The following ESR1 variants were observed in gnomAD, a reference collection of about 807,000 sequenced individuals.
ESR1 encodes estrogen receptor.
Under a neutral mutation model 52.7 loss-of-function variants are expected in ESR1, and 12 were observed. The observed-to-expected ratio is 0.23, with a 90% CI of 0.15 to 0.37. The LOEUF is 0.37. ESR1 is among the 10% of genes least tolerant of loss of function. The pLI is 1.00. For missense variants in ESR1, 584 were observed against 779.7 expected, an observed-to-expected ratio of 0.75 and a Z score of 2.99; for synonymous variants, 305 against 316.8, an observed-to-expected ratio of 0.96 and a Z score of 0.39.
intron 1 of ESR1, among the ~76,000 whole-genome samples, chr6:151,665,800 T>G (rs1211793593): frequency 6.6e-6 from 1 of 152,232 alleles, no homozygotes; most frequent in Non-Finnish European, 1.5e-5. Flanking sequence ...ATATTTTCTC[T>G]TAGGAATATA....
intron 1 of ESR1, among the ~76,000 whole-genome samples, chr6:151,830,802 G>A (rs1782283631): frequency 6.6e-6 from 1 of 152,070 alleles, no homozygotes; most frequent in Non-Finnish European, 1.5e-5. Flanking sequence ...TTTCTTAAGT[G>A]AGTGGGAAAG....
At chr6:151,833,820 C>T (rs1338457327) in intron 1 of ESR1, among the ~76,000 whole-genome samples, 4 of 152,102 alleles carry the variant, frequency 2.6e-5, no homozygotes, top group Admixed American at 6.5e-5. Flanking sequence ...GGAAATGAAG[C>T]GTACATTTCA....
chr6:151,787,795 G>A (rs1311036730), intron 2 of ESR1, among the ~76,000 whole-genome samples: 2 of 152,054 alleles, frequency 1.3e-5, no homozygotes, highest in Non-Finnish European at 2.9e-5. Flanking sequence ...CTGCAAATAG[G>A]GATAGTTTGA....
At chr6:151,925,480 A>G (rs572247544) in intron 3 of ESR1, among the ~76,000 whole-genome samples, 23 of 152,174 alleles carry the variant, frequency 1.5e-4, no homozygotes, top group African/African-American at 5.3e-4. Flanking sequence ...GGTGTCGGGC[A>G]CTTGTAATCC....
At position 151,883,626 on chromosome 6, in the gene ESR1, G is replaced by C. The variant is rs192555961; in HGVS notation, c.760+2855G>C. Among the ~76,000 whole-genome samples the C allele has an allele frequency of 5.9e-5, 9 of 152,174 alleles. No individual in the cohort carries two copies. In the South Asian group the frequency reaches 1.9e-3, roughly 32 times the overall value. The stretch of plus-strand genomic sequence containing the variant: ...ATTTCCAAATATAGTCATACCAGGG[G>C]CTAGGGCTTCAACATACAAGTTTTG... On this transcript the variant is annotated intron_variant, in intron 3 of 7. Transcript: ENST00000206249.
At chr6:151,983,208 G>A (rs1430286261) in intron 4 of ESR1, among the ~76,000 whole-genome samples, 1 of 152,108 alleles carries the variant, frequency 6.6e-6, no homozygotes, top group Non-Finnish European at 1.5e-5. Context: ...AGTTAAGAAT[G>A]GGATCAATGA....
At chr6:151,879,660 C>T (rs1233620490) in intron 2 of ESR1, among the ~76,000 whole-genome samples, 2 of 152,258 alleles carry the variant, frequency 1.3e-5, no homozygotes, top group East Asian at 3.9e-4. Context: ...ATCCGGGGAA[C>T]TATGGTAAAC....
At chr6:151,981,152 C>G (rs571870384) in intron 4 of ESR1, among the ~76,000 whole-genome samples, 2 of 152,300 alleles carry the variant, frequency 1.3e-5, no homozygotes, top group Admixed American at 1.3e-4. Context: ...CTATTTGTAT[C>G]TGTGGAGTGG....
chr6:151,811,839 A>C (rs1466576215), intron 1 of ESR1, among the ~76,000 whole-genome samples: 1 of 152,164 alleles, frequency 6.6e-6, no homozygotes, highest in Non-Finnish European at 1.5e-5. Context: ...ATGAAAACGG[A>C]ATCACATCTT....
At chr6:151,933,881 CT>C (rs2128492808) in intron 3 of ESR1, among the ~76,000 whole-genome samples, 1 of 152,326 alleles carries the variant, frequency 6.6e-6, no homozygotes, top group East Asian at 1.9e-4. Context: ...TACAAACCCC[CT>C]GCTACCTCAT....
chr6:151,798,443 G>A (rs1193925531), intron 2 of ESR1, among the ~76,000 whole-genome samples: 1 of 152,164 alleles, frequency 6.6e-6, no homozygotes, highest in Non-Finnish European at 1.5e-5. Context: ...TGGAATTATT[G>A]TTTCCTTCTG....
intron 5 of ESR1, among the ~76,000 whole-genome samples, chr6:152,023,621 A>G (rs1326514241): frequency 1.3e-5 from 2 of 152,208 alleles, no homozygotes; most frequent in African/African-American, 4.8e-5. Context: ...GTCTGTTTAT[A>G]GTTGATTTAT....
At chr6:152,122,258 A>G in intron 6 of ESR1, 1 of 912,048 alleles carries the variant, frequency 1.1e-6, no homozygotes, top group Non-Finnish European at 1.7e-6. Flanking sequence ...TTCCCCCGTC[A>G]CTGTTTATCT....
intron 1 of ESR1, among the ~76,000 whole-genome samples, chr6:151,815,273 T>G (rs1779428387): frequency 6.6e-6 from 1 of 152,174 alleles, no homozygotes; most frequent in Non-Finnish European, 1.5e-5. Flanking sequence ...TGAGATAAAA[T>G]TTAGTTACAT....
intron 5 of ESR1, among the ~76,000 whole-genome samples, chr6:152,058,835 A>G (rs909587650): frequency 1.3e-5 from 2 of 152,228 alleles, no homozygotes; most frequent in Non-Finnish European, 2.9e-5. Context: ...ACAGAGAAGA[A>G]GATCTTCTTG....
intron 2 of ESR1, among the ~76,000 whole-genome samples, chr6:151,866,912 A>G (rs948844616): frequency 1.3e-5 from 2 of 152,324 alleles, no homozygotes; most frequent in African/African-American, 4.8e-5. Flanking sequence ...TGGTACCAAA[A>G]CAGATATCTA....
At chr6:151,925,297 T>G in intron 3 of ESR1, among the ~76,000 whole-genome samples, 1 of 152,158 alleles carries the variant, frequency 6.6e-6, no homozygotes, top group East Asian at 1.9e-4. Context: ...ACATCAGATC[T>G]TTTGCCCATT....
At chr6:151,763,758 C>A (rs1298129443) in intron 2 of ESR1, among the ~76,000 whole-genome samples, 1 of 152,192 alleles carries the variant, frequency 6.6e-6, no homozygotes, top group Non-Finnish European at 1.5e-5. Flanking sequence ...CATTCACTCA[C>A]AAGTTCAGCT....
chr6:151,859,968 C>T lies in ESR1; in HGVS notation c.643+17181C>T, dbSNP rs550228622. 4.6e-5 allele frequency among the ~76,000 whole-genome samples: 7 copies of T among 152,250 alleles called. No individual in the cohort carries two copies. The South Asian group carries it at 1.0e-3, about 23-fold the overall frequency. On this transcript the variant is annotated intron_variant, in intron 2 of 7. Coordinates refer to ENST00000206249, the MANE Select transcript of ESR1 (RefSeq NM_000125.4). Reference sequence around the variant, plus strand: ...AGTTCATGCTTAACCTACAGGTGCTCTGTAAAGAATCATTGGCATCATTAC... The same window carrying T: ...AGTTCATGCTTAACCTACAGGTGCTTTGTAAAGAATCATTGGCATCATTAC...
Sources: gnomAD v4.1 joint callset for allele counts (sites outside exome capture counted in the v4.1 genomes callset) on GRCh38, gnomAD v4.1.1 for gene constraint, MANE v1.5 for transcripts, NCBI Gene and HGNC (gene_info 2026-07-23, HGNC 2026-07-21) for gene names.